Variants in ADAMTS2 observed in about 807,000 individuals in gnomAD.
The protein encoded by ADAMTS2 is ADAM metallopeptidase with thrombospondin type 1 motif 2, also known as A disintegrin and metalloproteinase with thrombospondin motifs 2.
A neutral mutation model predicts 123.0 loss-of-function variants in ADAMTS2; 50 were observed. The ratio of observed to expected loss-of-function variants is 0.41; its 90% CI spans 0.32 to 0.51. The LOEUF is 0.51. Among genes scored for constraint, ADAMTS2 ranks in the 20% least tolerant of loss-of-function variants. The pLI, the probability that ADAMTS2 is intolerant of heterozygous loss-of-function variation, is 0.35. For missense variants in ADAMTS2, 1,494 were observed against 1,705.2 expected, an observed-to-expected ratio of 0.88 and a Z score of 2.18; for synonymous variants, 678 against 695.4, an observed-to-expected ratio of 0.98 and a Z score of 0.39.
At position 179,185,186 on chromosome 5, in the gene ADAMTS2, G is replaced by A. The variant is rs887540389; in HGVS notation, c.892-4031C>T. On this transcript the variant is annotated intron_variant, in intron 4 of 21. Transcript: ENST00000251582. The surrounding 1 kb of genome is among the most constrained non-coding windows in gnomAD (Gnocchi z 5.9). ...GGATTCCAAATCCTCTCTAAGAGCA[G>A]TGGGAGGACATGGAGGAAGGATGAT... 6.6e-6 allele frequency among the ~76,000 whole-genome samples: 1 copy of A among 152,194 alleles called. No homozygotes were observed. The highest frequency in any genetic ancestry group is 1.5e-5 in the Non-Finnish European group (1 of 68,032).
chr5:179,223,858 C>T (rs555831901), intron 3 of ADAMTS2, among the ~76,000 whole-genome samples: 2 of 152,372 alleles, frequency 1.3e-5, no homozygotes, highest in Admixed American at 1.3e-4. Context: ...CAAACGTGCA[C>T]ATGCACACAC....
intron 2 of ADAMTS2, among the ~76,000 whole-genome samples, chr5:179,276,295 C>A (rs973227057): frequency 6.6e-6 from 1 of 152,190 alleles, no homozygotes; most frequent in African/African-American, 2.4e-5. Flanking sequence ...GGGTCCAGCA[C>A]TGATGGTCCC....
rs1334206953 is a variant in ADAMTS2 at position 179,260,421 on chromosome 5, CCTCA to C, written c.688+12486_688+12489del. On this transcript the variant is annotated intron_variant, in intron 3 of 21. Transcript: ENST00000251582. The surrounding 1 kb of genome is among the most constrained non-coding windows in gnomAD (Gnocchi z 4.2). ...CGTGCTAAGTGACCTGGAGACACAT[CCTCA>C]CTCACCCTCGCTGGGCCCCAGTTTC... is the stretch of plus-strand genomic sequence containing the variant. Among the ~76,000 whole-genome samples the C allele has an allele frequency of 6.6e-6, 1 of 152,212 alleles. No homozygotes were observed. The highest frequency in any genetic ancestry group is 1.5e-5 in the Non-Finnish European group (1 of 68,046).
rs1326155990 is a variant in ADAMTS2, at chr5:179,332,590, CT to C, written c.534+11176del. ...ACTATCACAGGGTCTCAGACAGTAC[CT>C]CAGTCTGTGACCCAACCTGCATTGC... On this transcript the variant is annotated intron_variant, in intron 2 of 21. Transcript: ENST00000251582. This position sits in a 1 kb window ranked among gnomAD's most constrained non-coding sequence, Gnocchi z 4.2. Among the ~76,000 whole-genome samples the C allele has an allele frequency of 6.6e-6, 1 of 152,162 alleles. No individual in the cohort carries two copies. The highest frequency in any genetic ancestry group is 1.5e-5 in the Non-Finnish European group (1 of 68,036).
Position 179,135,833 on chromosome 5 carries a change from C to T in ADAMTS2, c.2085+76G>A, listed in dbSNP as rs3822595. On this transcript the variant is annotated intron_variant, in intron 13 of 21. Transcript: ENST00000251582. Reference sequence around the variant, plus strand: ...CACCTCATGCATCTTGCCAATACCCCGAAAAGGGGGAGGTCAGTACCCAGG... The same window carrying T: ...CACCTCATGCATCTTGCCAATACCCTGAAAAGGGGGAGGTCAGTACCCAGG... The T allele has an allele frequency of 0.23, 370,680 of 1,600,296 alleles. 44,646 individuals carry two copies. Among genetic ancestry groups the T allele is most frequent in the Non-Finnish European group, 0.25 (292,834 of 1,174,734 alleles).
At position 179,181,951 on chromosome 5, in the gene ADAMTS2, G is replaced by A. The variant is rs765311238; in HGVS notation, c.892-796C>T. Among the ~76,000 whole-genome samples, 12 of 152,172 alleles carry A rather than the reference G, an allele frequency of 7.9e-5. No individual in the cohort carries two copies. Among genetic ancestry groups the A allele is most frequent in the Non-Finnish European group, 1.6e-4 (11 of 68,006 alleles). On this transcript the variant is annotated intron_variant, in intron 4 of 21. Transcript: ENST00000251582. The surrounding 1 kb of genome is among the most constrained non-coding windows in gnomAD (Gnocchi z 4.1). ...TATCCCGGGCTCGAGGCTGTCAGGG[G>A]CTTCCTTCGCACTGAGCCCCCACCC...
chr5:179,247,216 A>G (rs1226399153), intron 3 of ADAMTS2, among the ~76,000 whole-genome samples: 2 of 152,208 alleles, frequency 1.3e-5, no homozygotes, highest in South Asian at 2.1e-4. Context: ...AGGAACCACA[A>G]ACAATTTTGG....
chr5:179,282,533 T>A lies in ADAMTS2; in HGVS notation c.535-9469A>T, dbSNP rs1055271852. On this transcript the variant is annotated intron_variant, in intron 2 of 21. Transcript: ENST00000251582. ...ACCACACAGTCTTGATTACTACAGC[T>A]TTGTAGTAAGTCTTAGAATTACAAA... Among the ~76,000 whole-genome samples the A allele has an allele frequency of 7.2e-5, 11 of 152,246 alleles. 1 individual carries two copies. The highest frequency in any genetic ancestry group is 1.6e-4 in the Non-Finnish European group (11 of 68,036).
intron 4 of ADAMTS2, 41 bp downstream of exon 4, chr5:179,207,472 C>T: frequency 3.2e-6 from 3 of 925,666 alleles, no homozygotes; most frequent in East Asian, 2.6e-5. Context: ...CCCTGGTTGA[C>T]CCTCCCCGCC....
At chr5:179,137,162 T>C (rs1243634404) in intron 12 of ADAMTS2, among the ~76,000 whole-genome samples, 1 of 152,126 alleles carries the variant, frequency 6.6e-6, no homozygotes, top group Non-Finnish European at 1.5e-5. Flanking sequence ...CCTCCAACCC[T>C]GCACTGGCCC....
intron 3 of ADAMTS2, among the ~76,000 whole-genome samples, chr5:179,238,011 G>A (rs543151151): frequency 2.6e-5 from 4 of 152,266 alleles, no homozygotes; most frequent in African/African-American, 9.6e-5. Flanking sequence ...CCCGCCCCAC[G>A]GAGGCCTTGA....
intron 21 of ADAMTS2, chr5:179,120,405 T>C (rs1762730914): frequency 6.6e-6 from 1 of 152,228 alleles, no homozygotes; most frequent in Non-Finnish European, 1.5e-5. Flanking sequence ...CAGGACAGTA[T>C]TGCACCTTCC....
intron 4 of ADAMTS2, among the ~76,000 whole-genome samples, chr5:179,200,986 T>C (rs1047697261): frequency 3.9e-5 from 6 of 152,194 alleles, no homozygotes; most frequent in African/African-American, 1.2e-4. Context: ...AAATAATCTC[T>C]GTTTACAAAT....
At chr5:179,218,090 G>C (rs1765044520) in intron 3 of ADAMTS2, among the ~76,000 whole-genome samples, 1 of 152,246 alleles carries the variant, frequency 6.6e-6, no homozygotes, top group African/African-American at 2.4e-5. Context: ...CAGAAGAGGA[G>C]AGGGAGGCTC....
At chr5:179,153,100 C>T (rs1404649549) in intron 9 of ADAMTS2, among the ~76,000 whole-genome samples, 7 of 152,174 alleles carry the variant, frequency 4.6e-5, no homozygotes, top group African/African-American at 2.4e-5. Context: ...GTGCCTGCCG[C>T]GCTCTCCTCC....
At chr5:179,224,276 C>T (rs1765220195) in intron 3 of ADAMTS2, among the ~76,000 whole-genome samples, 1 of 152,188 alleles carries the variant, frequency 6.6e-6, no homozygotes, top group Non-Finnish European at 1.5e-5. Flanking sequence ...GCCATGGCTC[C>T]CGGCACACCC....
At chr5:179,194,353 C>A (rs1221599500) in intron 4 of ADAMTS2, among the ~76,000 whole-genome samples, 1 of 152,214 alleles carries the variant, frequency 6.6e-6, no homozygotes, top group African/African-American at 2.4e-5. Context: ...GGTCTGGATC[C>A]CGTGCTCACC....
Position 179,163,556 on chromosome 5 carries a change from T to C in ADAMTS2, c.976-4677A>G, listed in dbSNP as rs77744794. Among the ~76,000 whole-genome samples, 1,420 of 152,328 alleles carry C rather than the reference T, an allele frequency of 9.3e-3. 61 individuals are homozygous for C. The highest frequency in any genetic ancestry group is 0.072 in the Admixed American group (1,109 of 15,302). ...CAACGCATCCTCCCCGTCACCACTT[T>C]ATTCCAGAACCCTGGAATAAGAGCC... On this transcript the variant is annotated intron_variant, in intron 5 of 21. Transcript: ENST00000251582.
At position 179,343,768 on chromosome 5, in the gene ADAMTS2, A is replaced by G. The variant is rs1439575300; in HGVS notation, c.533T>C (p.Leu178Pro). 1 of 1,610,648 alleles carries G rather than the reference A, an allele frequency of 6.2e-7. No homozygotes were observed. Among genetic ancestry groups the G allele is most frequent in the African/African-American group, 1.3e-5 (1 of 74,930 alleles). ...GGAGCTAGAGAAGTGCGTACTCACC[A>G]GCCCATCGCAGTTGCTGAGCGCCAC... ...SSVALSNCDG[L>P]AGLIRMEEEE... Residue 178 changes from leucine to proline, a missense_variant and splice_region_variant, in exon 2 of 22, where the codon CTG becomes CCG. This residue lies in a region of ADAMTS2 where 3 missense variants were observed against 16.7 expected (regional missense o/e 0.18). Coordinates refer to ENST00000251582, the MANE Select transcript of ADAMTS2 (RefSeq NM_014244.5).
Sources: allele counts gnomAD v4.1 joint callset (sites outside exome capture counted in the v4.1 genomes callset), GRCh38; gene constraint gnomAD v4.1.1; regional missense constraint gnomAD v4.1.1; non-coding constraint Gnocchi (gnomAD v3.1); transcripts MANE v1.5; gene names NCBI Gene and HGNC (gene_info 2026-07-23, HGNC 2026-07-21).